NIBAN1: variants seen among roughly 807,000 people sequenced by gnomAD.
The protein encoded by NIBAN1 is niban apoptosis regulator 1.
A neutral mutation model predicts 75.1 loss-of-function variants in NIBAN1; 81 were observed. That is an observed-to-expected ratio of 1.08 (90% CI 0.90 to 1.30). The LOEUF (loss-of-function observed/expected upper bound fraction) is 1.30, where lower values mean the gene tolerates loss of function less well. Ranked by LOEUF, NIBAN1 falls within the 50% of genes most tolerant of loss-of-function variation. NIBAN1 has a pLI of 0.00. For missense variants in NIBAN1, 1,133 were observed against 1,128.1 expected (o/e 1.00, Z -0.06); for synonymous variants, 436 against 424.8 (o/e 1.03, Z -0.32).
In NIBAN1 at chr1:184,795,017, C is replaced by A; in HGVS notation, c.2747G>T (p.Gly916Val). The change falls in exon 14 of 14, where the codon GGT becomes GTT. Residue 916 changes from glycine to valine, a missense_variant. By Grantham distance (109) the Gly-to-Val change is moderately radical. Transcript: ENST00000367511. ...SHKDDVKEGE[G>V]GQESFPELPS... ...CAGCTCTGGGAAACTCTCCTGACCACCTTCTCCCTCCTTCACGTCATCTTT... is the reference window on the plus strand; with the variant it reads ...CAGCTCTGGGAAACTCTCCTGACCAACTTCTCCCTCCTTCACGTCATCTTT... 2.5e-6 allele frequency: 4 copies of A among 1,612,958 alleles called. No homozygotes were observed. Among genetic ancestry groups the A allele is most frequent in the African/African-American group, 1.3e-5 (1 of 75,038 alleles).
chr1:184,965,127 G>C (rs538311931), intron 1 of NIBAN1, among the ~76,000 whole-genome samples: 4 of 152,164 alleles, frequency 2.6e-5, no homozygotes, highest in Admixed American at 1.3e-4. Context: ...GTGAAACCCC[G>C]TCTCTACTAA....
intron 1 of NIBAN1, among the ~76,000 whole-genome samples, chr1:184,960,855 C>T (rs1658616976): frequency 6.6e-6 from 1 of 151,976 alleles, no homozygotes; most frequent in South Asian, 2.1e-4. Flanking sequence ...GTCTCGAACT[C>T]CTGACCTCAG....
chr1:184,935,603 A>G (rs936156983), intron 1 of NIBAN1, among the ~76,000 whole-genome samples: 1 of 152,162 alleles, frequency 6.6e-6, no homozygotes, highest in Admixed American at 6.5e-5. Context: ...CATTTAATAC[A>G]TAGAAATATA....
chr1:184,901,701 A>C (rs1656959907), intron 1 of NIBAN1, among the ~76,000 whole-genome samples: 1 of 152,108 alleles, frequency 6.6e-6, no homozygotes. Context: ...GAACTCTATA[A>C]AGCTTTGAAA....
At chr1:184,974,219 G>A in intron 1 of NIBAN1, 83 bp downstream of exon 1, 2 of 1,335,002 alleles carry the variant, frequency 1.5e-6, no homozygotes, top group South Asian at 3.3e-5. Context: ...GGCCCGGGGC[G>A]CGCCCCTTGG....
chr1:184,798,408 A>C (rs112666630), intron 12 of NIBAN1, among the ~76,000 whole-genome samples: 1 of 152,138 alleles, frequency 6.6e-6, no homozygotes, highest in Non-Finnish European at 1.5e-5. Context: ...ACCTCGACAC[A>C]TCTATTACTG....
chr1:184,808,217 T>A lies in NIBAN1; in HGVS notation c.1192A>T (p.Asn398Tyr). Residue 398 changes from asparagine to tyrosine, a missense_variant, in exon 10 of 14, where the codon AAT becomes TAT. Physicochemically the swap from Asn to Tyr is moderately radical, Grantham distance 143 (BLOSUM62 -2). Transcript: ENST00000367511. The stretch of plus-strand genomic sequence containing the variant: ...ATCTTCACGGAATGCAGCGGAAGAT[T>A]CATAAGCCGGTCTAGATGCTGCATT... Reference protein sequence around the residue: ...QLKEHLDRLMNLPLHSVKMEP... With the variant: ...QLKEHLDRLMYLPLHSVKMEP... The A allele has an allele frequency of 1.2e-6, 2 of 1,614,092 alleles. No individual in the cohort carries two copies. The highest frequency in any genetic ancestry group is 1.7e-6 in the Non-Finnish European group (2 of 1,179,958).
chr1:184,953,625 A>G (rs1038880114), intron 1 of NIBAN1, among the ~76,000 whole-genome samples: 2 of 152,254 alleles, frequency 1.3e-5, no homozygotes, highest in Non-Finnish European at 2.9e-5. Flanking sequence ...ATGTGGAGAC[A>G]TGAAGGTTTG....
At chr1:184,873,570 TA>T (rs1201216389) in intron 5 of NIBAN1, among the ~76,000 whole-genome samples, 2 of 152,196 alleles carry the variant, frequency 1.3e-5, no homozygotes, top group African/African-American at 2.4e-5. Context: ...TATACCTTAG[TA>T]AAATAACCCT....
chr1:184,973,811 T>A (rs1450640438), intron 1 of NIBAN1, among the ~76,000 whole-genome samples: 1 of 152,232 alleles, frequency 6.6e-6, no homozygotes, highest in Non-Finnish European at 1.5e-5. Flanking sequence ...AGTGCTAGGA[T>A]GAAGTGCGAG....
intron 4 of NIBAN1, among the ~76,000 whole-genome samples, chr1:184,887,148 G>A (rs1025981728): frequency 3.9e-5 from 6 of 151,986 alleles, no homozygotes; most frequent in Non-Finnish European, 7.4e-5. Flanking sequence ...CAATCAATCC[G>A]TATTGGTTTA....
At chr1:184,838,256 G>T (rs472289) in intron 5 of NIBAN1, among the ~76,000 whole-genome samples, 1 of 151,952 alleles carries the variant, frequency 6.6e-6, no homozygotes, top group Non-Finnish European at 1.5e-5. Context: ...TACTGTGCTC[G>T]GCCCAGAGCC....
At chr1:184,829,110 T>C (rs1428696659) in intron 6 of NIBAN1, among the ~76,000 whole-genome samples, 1 of 152,170 alleles carries the variant, frequency 6.6e-6, no homozygotes, top group Non-Finnish European at 1.5e-5. Context: ...CCTGTGAAAC[T>C]TCTTAGTGGG....
intron 1 of NIBAN1, among the ~76,000 whole-genome samples, chr1:184,923,657 G>A (rs1243708813): frequency 1.3e-5 from 2 of 152,014 alleles, no homozygotes; most frequent in African/African-American, 4.8e-5. Flanking sequence ...CTTTGGGTTG[G>A]GTGGTATGGA....
At chr1:184,845,932 G>A (rs1470073064) in intron 5 of NIBAN1, among the ~76,000 whole-genome samples, 1 of 80,630 alleles carries the variant, frequency 1.2e-5, no homozygotes, top group Non-Finnish European at 2.5e-5. Context: ...AAGAAACGGC[G>A]CACCACGAGA....
At chr1:184,924,307 G>A (rs766029629) in intron 1 of NIBAN1, among the ~76,000 whole-genome samples, 4 of 152,056 alleles carry the variant, frequency 2.6e-5, no homozygotes, top group Admixed American at 1.3e-4. Flanking sequence ...ATGATCATAT[G>A]GTTTTTGTCC....
chr1:184,856,138 G>A lies in NIBAN1; in HGVS notation c.602-24176C>T, dbSNP rs189037191. Among the ~76,000 whole-genome samples, 12 of 152,208 alleles carry A rather than the reference G, an allele frequency of 7.9e-5. No individual in the cohort carries two copies. In the East Asian group the frequency reaches 2.3e-3, roughly 29 times the overall value. The stretch of plus-strand genomic sequence containing the variant: ...AATGCTGAATCCACAAGTCTAGAAT[G>A]TTCAATCATGTTCACCCACTTCTCA... On this transcript the variant is annotated intron_variant, in intron 5 of 13. Coordinates refer to ENST00000367511, the MANE Select transcript of NIBAN1 (RefSeq NM_052966.4).
intron 1 of NIBAN1, among the ~76,000 whole-genome samples, chr1:184,933,913 G>C (rs1312640754): frequency 6.6e-6 from 1 of 152,230 alleles, no homozygotes; most frequent in East Asian, 1.9e-4. Flanking sequence ...AATGATGGGG[G>C]TCTGAGAACC....
At chr1:184,898,594 C>T (rs1388424008) in intron 2 of NIBAN1, among the ~76,000 whole-genome samples, 1 of 152,180 alleles carries the variant, frequency 6.6e-6, no homozygotes, top group African/African-American at 2.4e-5. Flanking sequence ...CCAGCCTGAA[C>T]CACAGAGCAC....
Sources: allele counts gnomAD v4.1 joint callset (sites outside exome capture counted in the v4.1 genomes callset), GRCh38; gene constraint gnomAD v4.1.1; transcripts MANE v1.5; gene names NCBI Gene and HGNC (gene_info 2026-07-23, HGNC 2026-07-21).